The following DOC2B variants were observed in gnomAD, a reference collection of about 807,000 sequenced individuals.
DOC2B encodes double C2 domain beta, also known as double C2-like domain-containing protein beta.
DOC2B carries 21 observed loss-of-function variants against 28.9 expected under a neutral mutation model. The observed-to-expected ratio is 0.73, with a 90% confidence interval of 0.52 to 1.05. DOC2B has a LOEUF of 1.05. Among genes scored for constraint, DOC2B ranks in the 50% least tolerant of loss-of-function variants. The pLI is 0.00. For missense variants in DOC2B, 384 were observed against 421.1 expected (o/e 0.91, Z 0.77); for synonymous variants, 194 against 178.1 (o/e 1.09, Z -0.71).
chr17:166,563 G>A (rs956440195), intron 2 of DOC2B, among the ~76,000 whole-genome samples: 8 of 152,258 alleles, frequency 5.3e-5, no homozygotes, highest in African/African-American at 9.6e-5. Flanking sequence ...AGGACCCAGC[G>A]GGAGATAACT....
chr17:156,392 G>A lies in DOC2B; in HGVS notation c.766-15C>T, dbSNP rs1027237360. 5.9e-5 allele frequency: 92 copies of A among 1,550,662 alleles called. No individual in the cohort carries two copies. Among genetic ancestry groups the A allele is most frequent in the African/African-American group, 8.2e-5 (6 of 73,004 alleles). ...GTCTTGTCCACCTGTTGGACGGGAC[G>A]GTCACTCAGTCCTCACCTGCTCCCA... On this transcript the variant is annotated splice_polypyrimidine_tract_variant and intron_variant, in intron 5 of 8. Coordinates refer to ENST00000613549, the MANE Select transcript of DOC2B (RefSeq NM_003585.5).
intron 6 of DOC2B, among the ~76,000 whole-genome samples, chr17:151,203 A>C (rs566874901): frequency 6.6e-6 from 1 of 152,262 alleles, no homozygotes; most frequent in South Asian, 2.1e-4. Context: ...CCAGGAGTTC[A>C]AGGCTGCAAT....
intron 1 of DOC2B, among the ~76,000 whole-genome samples, chr17:180,797 G>A (rs919986282): frequency 2.0e-5 from 3 of 151,962 alleles, no homozygotes; most frequent in African/African-American, 7.2e-5. Context: ...GGAGCTCCGG[G>A]AGGGCGGGCT....
chr17:154,639 T>C (rs1324794633), intron 6 of DOC2B, among the ~76,000 whole-genome samples: 2 of 152,218 alleles, frequency 1.3e-5, no homozygotes, highest in Admixed American at 1.3e-4. Flanking sequence ...AGGAGTGGAA[T>C]TGCCAGATCA....
In DOC2B at chr17:156,337, C is replaced by A; in HGVS notation, c.806G>T (p.Arg269Leu). The change falls in exon 6 of 9, where the codon CGC becomes CTC. Residue 269 changes from arginine to leucine, a missense_variant. Physicochemically the swap from Arg to Leu is moderately radical, Grantham distance 102 (BLOSUM62 -2). Coordinates refer to ENST00000613549, the MANE Select transcript of DOC2B (RefSeq NM_003585.5). ...TEDKSLEERG[R>L]ILISLKYSSQ... is the part of the protein sequence containing the mutation. ...GCTGTACTTGAGGGAGATGAGGATG[C>A]GGCCCCGCTCCTCCAGGGACTTGTC... 6.4e-7 allele frequency: 1 copy of A among 1,551,456 alleles called. No homozygotes were observed. Among genetic ancestry groups the A allele is most frequent in the Non-Finnish European group, 8.7e-7 (1 of 1,146,940 alleles).
intron 4 of DOC2B, 65 bp downstream of exon 4, chr17:162,016 A>G (rs370660258): frequency 9.2e-6 from 11 of 1,192,614 alleles, no homozygotes; most frequent in Middle Eastern, 3.8e-4. Context: ...TCCTGCCTTC[A>G]TTAGGAAAAG....
intron 7 of DOC2B, 33 bp downstream of exon 7, chr17:149,078 T>C (rs1220928425): frequency 5.0e-6 from 2 of 398,810 alleles, no homozygotes; most frequent in African/African-American, 4.1e-5. Flanking sequence ...GGCAGAGGAA[T>C]GGCCTTCATG....
chr17:149,969 G>C (rs2040054556), intron 6 of DOC2B, among the ~76,000 whole-genome samples: 1 of 152,276 alleles, frequency 6.6e-6, no homozygotes, highest in South Asian at 2.1e-4. Context: ...AAGACCTTTT[G>C]TGCAGTCACA....
At chr17:161,615 G>A (rs1711649820) in intron 4 of DOC2B, 74 bp from the exon 5 acceptor site, 1 of 1,536,954 alleles carries the variant, frequency 6.5e-7, no homozygotes, top group Admixed American at 2.0e-5. Context: ...TGCGCAGGTA[G>A]GGCCAGCCCT....
intron 2 of DOC2B, 56 bp downstream of exon 2, chr17:172,481 A>G (rs1229742232): frequency 6.9e-7 from 1 of 1,454,946 alleles, no homozygotes; most frequent in Non-Finnish European, 9.4e-7. Flanking sequence ...TCCCTGACCT[A>G]GGCCCTCTTG....
At chr17:164,017 C>T in intron 3 of DOC2B, 113 bp downstream of exon 3, 1 of 790,378 alleles carries the variant, frequency 1.3e-6, no homozygotes, top group South Asian at 1.7e-5. Flanking sequence ...CAGCTGTGGG[C>T]CTCCCTGGGT....
intron 1 of DOC2B, among the ~76,000 whole-genome samples, chr17:177,332 G>A (rs1209089028): frequency 1.3e-5 from 2 of 152,168 alleles, no homozygotes; most frequent in African/African-American, 4.8e-5. Flanking sequence ...TCCTTGGTGT[G>A]GCATTCAAGA....
chr17:147,208 C>T lies in DOC2B; in HGVS notation c.*233G>A, dbSNP rs1232226974. 31 of 386,558 alleles carry T rather than the reference C, an allele frequency of 8.0e-5. No homozygotes were observed. Among genetic ancestry groups the T allele is most frequent in the Non-Finnish European group, 1.1e-4 (25 of 218,952 alleles). 23.9% of individuals were successfully genotyped at this position (386,558 alleles called of 1,614,324 possible). A position where few individuals can be genotyped will look rare whatever the true frequency, so the allele number is the denominator to read the frequency against. ...GCTGAGGTCTCTTTCCACCACCGGCCTCTTGGGCCCCAGAGAGCTGAGAGC... is the reference window on the plus strand; with the variant it reads ...GCTGAGGTCTCTTTCCACCACCGGCTTCTTGGGCCCCAGAGAGCTGAGAGC... On this transcript the variant is annotated 3_prime_UTR_variant, in exon 9 of 9. Transcript: ENST00000613549.
intron 5 of DOC2B, among the ~76,000 whole-genome samples, chr17:157,826 C>A (rs1555522754): frequency 1.3e-5 from 2 of 152,186 alleles, no homozygotes; most frequent in Non-Finnish European, 2.9e-5. Flanking sequence ...CTAGTGAAGG[C>A]AGGAATGGAG....
intron 1 of DOC2B, among the ~76,000 whole-genome samples, chr17:174,584 G>A (rs768470897): frequency 3.9e-5 from 6 of 152,102 alleles, no homozygotes; most frequent in African/African-American, 1.2e-4. Context: ...TGACTCTTCC[G>A]TATGTCACGG....
At position 164,212 on chromosome 17, in the gene DOC2B, G is replaced by C. The variant is rs754947428; in HGVS notation, c.454-8C>G. 1.3e-6 allele frequency: 2 copies of C among 1,548,652 alleles called. No homozygotes were observed. The highest frequency in any genetic ancestry group is 1.7e-6 in the Non-Finnish European group (2 of 1,144,092). ...GTCCATTGGCTTCAGGCCCTGGGCA[G>C]AGAAGAGCAAACGGTGTGAACTGGA... On this transcript the variant is annotated splice_polypyrimidine_tract_variant and splice_region_variant and intron_variant, in intron 2 of 8. Coordinates refer to ENST00000613549, the MANE Select transcript of DOC2B (RefSeq NM_003585.5).
chr17:161,906 G>A (rs2040209002), intron 4 of DOC2B, among the ~76,000 whole-genome samples, 175 bp downstream of exon 4: 1 of 152,184 alleles, frequency 6.6e-6, no homozygotes, highest in Admixed American at 6.5e-5. Flanking sequence ...CACCCACCAG[G>A]CTCCATTGGC....
At chr17:156,049 C>T in intron 6 of DOC2B, 171 bp downstream of exon 6, 1 of 669,232 alleles carries the variant, frequency 1.5e-6, no homozygotes, top group Non-Finnish European at 2.4e-6. Flanking sequence ...GTGAAATGGG[C>T]TGGCCATGCT....
At chr17:148,944 T>A (rs2040044177) in intron 7 of DOC2B, among the ~76,000 whole-genome samples, 167 bp downstream of exon 7, 1 of 149,034 alleles carries the variant, frequency 6.7e-6, no homozygotes, top group Non-Finnish European at 1.5e-5. Context: ...TGCCAAGAGC[T>A]TTCCAGGGGT....
Sources: allele counts gnomAD v4.1 joint callset (sites outside exome capture counted in the v4.1 genomes callset), GRCh38; gene constraint gnomAD v4.1.1; transcripts MANE v1.5; gene names NCBI Gene and HGNC (gene_info 2026-07-23, HGNC 2026-07-21).